The following PEX13 variants were observed in gnomAD, a reference collection of about 807,000 sequenced individuals.
PEX13 encodes peroxisomal biogenesis factor 13, also known as peroxisome biogenesis factor 13.
PEX13 carries 28 observed loss-of-function variants against 34.5 expected under a neutral mutation model. The observed-to-expected ratio is 0.81, with a 90% CI of 0.60 to 1.11. PEX13 has a LOEUF of 1.11. PEX13 is among the 50% of genes most tolerant of loss of function. PEX13 has a pLI of 0.00. For missense variants in PEX13, 550 were observed against 491.0 expected (o/e 1.12, Z -1.13); for synonymous variants, 177 against 175.1 (o/e 1.01, Z -0.09).
At chr2:61,039,015 T>C (rs1008113173) in intron 2 of PEX13, among the ~76,000 whole-genome samples, 3 of 152,008 alleles carry the variant, frequency 2.0e-5, no homozygotes, top group African/African-American at 7.2e-5. Context: ...GAGAATAAAA[T>C]ACCTAGGAAT....
chr2:61,039,446 A>G (rs990113582), intron 2 of PEX13, among the ~76,000 whole-genome samples: 4 of 152,092 alleles, frequency 2.6e-5, no homozygotes, highest in African/African-American at 9.7e-5. Flanking sequence ...TACCACATCT[A>G]CAACCATCTG....
At chr2:61,022,021 A>G (rs1000640653) in intron 1 of PEX13, among the ~76,000 whole-genome samples, 17 of 152,252 alleles carry the variant, frequency 1.1e-4, no homozygotes, top group African/African-American at 4.1e-4. Flanking sequence ...CCCCATTTGT[A>G]GGTTACCAAC....
chr2:61,020,179 T>C (rs1573546613), intron 1 of PEX13, among the ~76,000 whole-genome samples: 2 of 152,264 alleles, frequency 1.3e-5, no homozygotes, highest in African/African-American at 4.8e-5. Flanking sequence ...TGAGCCAAGA[T>C]CACGCCACTG....
chr2:61,038,434 T>A (rs781432792), intron 2 of PEX13, among the ~76,000 whole-genome samples: 1 of 152,196 alleles, frequency 6.6e-6, no homozygotes, highest in Non-Finnish European at 1.5e-5. Flanking sequence ...ATCCTTGAGA[T>A]GCAAGGCTGG....
chr2:61,027,412 C>G (rs753056108), intron 1 of PEX13, among the ~76,000 whole-genome samples: 6 of 151,914 alleles, frequency 3.9e-5, no homozygotes, highest in Non-Finnish European at 8.8e-5. Flanking sequence ...CACATCAAGT[C>G]GGTCAGTTGT....
chr2:61,020,138 A>G (rs1680229085), intron 1 of PEX13, among the ~76,000 whole-genome samples: 1 of 152,186 alleles, frequency 6.6e-6, no homozygotes, highest in Non-Finnish European at 1.5e-5. Flanking sequence ...AGGCAGGAGA[A>G]TGGCGTGAAC....
intron 2 of PEX13, among the ~76,000 whole-genome samples, chr2:61,035,866 C>T (rs1182554512): frequency 6.6e-6 from 1 of 151,768 alleles, no homozygotes; most frequent in African/African-American, 2.4e-5. Flanking sequence ...GCCTGTAATC[C>T]CAGCTACTAG....
chr2:61,030,164 A>C (rs1384065353), intron 1 of PEX13, among the ~76,000 whole-genome samples: 1 of 152,190 alleles, frequency 6.6e-6, no homozygotes, highest in African/African-American at 2.4e-5. Flanking sequence ...CCAGTCACAA[A>C]ATACTACGTA....
Position 61,049,302 on chromosome 2 carries a change from T to C in PEX13, c.*532T>C, listed in dbSNP as rs1680758840. ...ATTTTCACCCACAAACAACTGACACTGCTATCTTTTACTGTATTTTTAAAA... is the reference window on the plus strand; with the variant it reads ...ATTTTCACCCACAAACAACTGACACCGCTATCTTTTACTGTATTTTTAAAA... On this transcript the variant is annotated 3_prime_UTR_variant, in exon 4 of 4. Transcript: ENST00000295030. The C allele has an allele frequency of 6.5e-6, 1 of 153,838 alleles. No homozygotes were observed. Among genetic ancestry groups the C allele is most frequent in the South Asian group, 2.0e-4 (1 of 4,930 alleles). 9.5% of individuals were successfully genotyped at this position (153,838 alleles called of 1,614,324 possible). A position where few individuals can be genotyped will look rare whatever the true frequency, so the allele number is the denominator to read the frequency against.
intron 1 of PEX13, among the ~76,000 whole-genome samples, chr2:61,026,536 C>T (rs980118034): frequency 6.6e-6 from 1 of 151,614 alleles, no homozygotes; most frequent in Non-Finnish European, 1.5e-5. Context: ...TTAGTAGAGA[C>T]AGTATTTCAC....
At chr2:61,043,632 A>G (rs559899120) in intron 2 of PEX13, among the ~76,000 whole-genome samples, 2 of 152,342 alleles carry the variant, frequency 1.3e-5, no homozygotes, top group Non-Finnish European at 1.5e-5. Context: ...ATGGTTATTC[A>G]TTGTATTATC....
intron 2 of PEX13, among the ~76,000 whole-genome samples, chr2:61,034,535 G>A (rs1376919626): frequency 6.6e-6 from 1 of 152,198 alleles, no homozygotes; most frequent in Admixed American, 6.5e-5. Context: ...AAGGGGTCAG[G>A]GGATTTCCCT....
Position 61,049,004 on chromosome 2 carries a change from A to T in PEX13, c.*234A>T. 2 of 525,430 alleles carry T rather than the reference A, an allele frequency of 3.8e-6. No homozygotes were observed. Among genetic ancestry groups the T allele is most frequent in the Non-Finnish European group, 6.8e-6 (2 of 295,178 alleles). 32.5% of individuals were successfully genotyped at this position (525,430 alleles called of 1,614,324 possible). A position where few individuals can be genotyped will look rare whatever the true frequency, so the allele number is the denominator to read the frequency against. On this transcript the variant is annotated 3_prime_UTR_variant, in exon 4 of 4. Coordinates refer to ENST00000295030, the MANE Select transcript of PEX13 (RefSeq NM_002618.4). ...ACATTTGTTTCACCTAGATTTTAAG[A>T]TTATGGAGACTGCTGTCATTTTTAT...
At chr2:61,036,414 C>G (rs1243561209) in intron 2 of PEX13, among the ~76,000 whole-genome samples, 1 of 152,218 alleles carries the variant, frequency 6.6e-6, no homozygotes, top group Non-Finnish European at 1.5e-5. Flanking sequence ...GGAAGCCCAT[C>G]AGACTAACAG....
At chr2:61,027,211 G>A (rs973890800) in intron 1 of PEX13, among the ~76,000 whole-genome samples, 2 of 150,604 alleles carry the variant, frequency 1.3e-5, no homozygotes, top group African/African-American at 4.9e-5. Context: ...GGTGGTGCAC[G>A]CCTGTAGTCC....
intron 2 of PEX13, among the ~76,000 whole-genome samples, chr2:61,035,642 C>G (rs1036473471): frequency 2.0e-5 from 3 of 152,100 alleles, no homozygotes; most frequent in African/African-American, 7.2e-5. Context: ...CCTGATGGAG[C>G]TAAAAGCCAC....
At position 61,034,158 on chromosome 2, in the gene PEX13, G is replaced by A. The variant is rs953480231; in HGVS notation, c.787+2045G>A. Among the ~76,000 whole-genome samples the A allele has an allele frequency of 1.2e-4, 18 of 151,878 alleles. 1 individual carries two copies. Among genetic ancestry groups the A allele is most frequent in the Admixed American group, 7.2e-4 (11 of 15,246 alleles). ...ACTACAGGTGTAGGCCACCACACCC[G>A]GTTAATTTTTTGTATTTTAGTAGAG... is the stretch of plus-strand genomic sequence containing the variant. On this transcript the variant is annotated intron_variant, in intron 2 of 3. Transcript: ENST00000295030.
intron 2 of PEX13, among the ~76,000 whole-genome samples, chr2:61,041,132 C>T (rs1298769653): frequency 1.3e-5 from 2 of 152,020 alleles, no homozygotes; most frequent in Non-Finnish European, 2.9e-5. Context: ...AGTTTAAGGC[C>T]AGCCTGTGCG....
At chr2:61,038,617 A>G (rs938498096) in intron 2 of PEX13, among the ~76,000 whole-genome samples, 17 of 152,084 alleles carry the variant, frequency 1.1e-4, no homozygotes, top group Admixed American at 7.9e-4. Context: ...AAAATAATAA[A>G]AGGTATTTAT....
Sources: allele counts gnomAD v4.1 joint callset (sites outside exome capture counted in the v4.1 genomes callset), GRCh38; gene constraint gnomAD v4.1.1; transcripts MANE v1.5; gene names NCBI Gene and HGNC (gene_info 2026-07-23, HGNC 2026-07-21).